Variants in FAM47E observed in about 807,000 individuals in gnomAD.
FAM47E encodes the protein protein FAM47E.
Under a neutral mutation model 41.6 loss-of-function variants are expected in FAM47E, and 32 were observed. That is an observed-to-expected ratio of 0.77 (90% confidence interval 0.58 to 1.03). The LOEUF (loss-of-function observed/expected upper bound fraction) is 1.03, where lower values mean the gene tolerates loss of function less well. FAM47E is among the 50% of genes least tolerant of loss of function. FAM47E has a pLI of 0.00. For synonymous variants in FAM47E, 184 were observed against 188.7 expected, an observed-to-expected ratio of 0.98 and a Z score of 0.20; for missense variants, 424 against 485.4, an observed-to-expected ratio of 0.87 and a Z score of 1.19.
At chr4:76,217,644 C>A in exon 2 of FAM47E, 1 of 653,634 alleles carries the variant, frequency 1.5e-6, no homozygotes, top group Non-Finnish European at 2.8e-6. Flanking sequence ...GTCCAGCCTG[C>A]AGAACCATGA....
intron 2 of FAM47E, among the ~76,000 whole-genome samples, chr4:76,238,548 G>A (rs1238470921): frequency 1.3e-5 from 2 of 152,028 alleles, no homozygotes; most frequent in African/African-American, 4.8e-5. Context: ...CAAGAAGTAA[G>A]CAGGTAAAGG....
chr4:76,265,488 C>T (rs1266385521), intron 3 of FAM47E, among the ~76,000 whole-genome samples: 4 of 152,056 alleles, frequency 2.6e-5, no homozygotes, highest in East Asian at 1.9e-4. Context: ...GGTGAGGGAG[C>T]GAGAGGAGTG....
chr4:76,229,297 C>T (rs181793212), intron 2 of FAM47E, among the ~76,000 whole-genome samples: 3 of 152,218 alleles, frequency 2.0e-5, no homozygotes, highest in Admixed American at 2.0e-4. Flanking sequence ...TCTGGTATCT[C>T]CTTGAGTAGC....
At chr4:76,278,648 CCA>C (rs1248292969) in intron 6 of FAM47E, 13 of 193,874 alleles carry the variant, frequency 6.7e-5, no homozygotes, top group Non-Finnish European at 1.1e-4. Flanking sequence ...AAAATTTCAA[CCA>C]GGAAATTTCT....
intron 5 of FAM47E, among the ~76,000 whole-genome samples, chr4:76,276,821 G>T (rs1487802330): frequency 1.3e-5 from 2 of 152,224 alleles, no homozygotes; most frequent in Non-Finnish European, 2.9e-5. Flanking sequence ...TAGCAAGGCG[G>T]TCTGTATGCT....
At chr4:76,246,976 A>G (rs1733842180), upstream of FAM47E, among the ~76,000 whole-genome samples, 1 of 152,094 alleles carries the variant, frequency 6.6e-6, no homozygotes, top group East Asian at 1.9e-4. Flanking sequence ...TGTAACTTTA[A>G]CCATTCTTTT....
At chr4:76,276,890 C>T (rs1034761241) in intron 5 of FAM47E, among the ~76,000 whole-genome samples, 5 of 152,192 alleles carry the variant, frequency 3.3e-5, no homozygotes, top group Admixed American at 1.3e-4. Context: ...CTCCCGTCTC[C>T]TCTGTCCCAT....
intron 1 of FAM47E, among the ~76,000 whole-genome samples, chr4:76,254,155 A>G (rs1734090545): frequency 6.6e-6 from 1 of 151,904 alleles, no homozygotes; most frequent in African/African-American, 2.4e-5. Flanking sequence ...CAGAAAAAGA[A>G]AAGTGAAGAA....
chr4:76,236,905 T>TC, intron 2 of FAM47E, among the ~76,000 whole-genome samples: 1 of 150,660 alleles, frequency 6.6e-6, no homozygotes, highest in South Asian at 2.1e-4. Flanking sequence ...TTCTTTTTTT[T>TC]TTTTTTTTGA....
At chr4:76,228,247 G>C (rs185139850) in intron 2 of FAM47E, among the ~76,000 whole-genome samples, 6 of 152,170 alleles carry the variant, frequency 3.9e-5, no homozygotes, top group African/African-American at 9.6e-5. Context: ...GGAGGCTGAG[G>C]GGGGTGCAGA....
At chr4:76,269,530 T>G (rs1734794490) in intron 4 of FAM47E, 1 of 151,972 alleles carries the variant, frequency 6.6e-6, no homozygotes, top group Non-Finnish European at 1.5e-5. Context: ...GGCAGGAGAA[T>G]TGCTTGAACC....
exon 2 of FAM47E, chr4:76,217,633 T>C (rs1578747125): frequency 3.1e-6 from 2 of 653,136 alleles, no homozygotes; most frequent in East Asian, 2.8e-5. Context: ...CCGTGCGTCT[T>C]GTCCAGCCTG....
chr4:76,226,038 G>A (rs7672858), intron 2 of FAM47E, among the ~76,000 whole-genome samples: 138,390 of 152,156 alleles, frequency 0.91, 64,325 homozygotes, highest in East Asian at 1. Context: ...TTTGTTGGCA[G>A]TATTTTTTAT....
intron 2 of FAM47E, among the ~76,000 whole-genome samples, chr4:76,260,693 A>G (rs1213312909): frequency 6.6e-6 from 1 of 152,194 alleles, no homozygotes; most frequent in Non-Finnish European, 1.5e-5. Flanking sequence ...AGCAAATGCA[A>G]CAAAAACAAA....
chr4:76,241,396 A>G (rs1004398752), intron 2 of FAM47E, among the ~76,000 whole-genome samples: 1 of 151,962 alleles, frequency 6.6e-6, no homozygotes, highest in Admixed American at 6.6e-5. Flanking sequence ...AATGGCTGTC[A>G]TTTCTTCTTC....
intron 7 of FAM47E, 198 bp from the exon 8 acceptor site, chr4:76,283,183 G>A (rs1022096221): frequency 2.3e-6 from 1 of 430,490 alleles, no homozygotes; most frequent in African/African-American, 2.0e-5. Flanking sequence ...TTCCATCTGA[G>A]TGTTTCTGAT....
intron 1 of FAM47E, among the ~76,000 whole-genome samples, chr4:76,217,307 C>A (rs920608): frequency 0.97 from 147,289 of 152,284 alleles, 71,330 homozygotes; most frequent in Non-Finnish European, 0.99. Context: ...ACAATCAGGA[C>A]TCTTCCTGGT....
intron 2 of FAM47E, among the ~76,000 whole-genome samples, chr4:76,231,731 C>T (rs1247251003): frequency 6.6e-6 from 1 of 152,192 alleles, no homozygotes; most frequent in Non-Finnish European, 1.5e-5. Flanking sequence ...TGGGTTTATC[C>T]TCAAATACCT....
chr4:76,267,173 C>T (rs992390380), intron 3 of FAM47E, among the ~76,000 whole-genome samples: 7 of 152,176 alleles, frequency 4.6e-5, no homozygotes, highest in Non-Finnish European at 7.3e-5. Flanking sequence ...GGCACATAGT[C>T]TGTGCTTACT....
Sources: allele counts gnomAD v4.1 joint callset (sites outside exome capture counted in the v4.1 genomes callset), GRCh38; gene constraint gnomAD v4.1.1; transcripts MANE v1.5; gene names NCBI Gene and HGNC (gene_info 2026-07-23, HGNC 2026-07-21).